Variants in NWD2 observed in about 807,000 individuals in gnomAD.
The protein encoded by NWD2 is NACHT and WD repeat domain-containing protein 2.
NWD2 carries 37 observed loss-of-function variants against 132.7 expected under a neutral mutation model. That is an observed-to-expected ratio of 0.28 (90% confidence interval 0.21 to 0.37). NWD2 has a LOEUF of 0.37. Ranked by LOEUF, NWD2 falls within the 10% of genes least tolerant of loss-of-function variation. The pLI is 1.00. For synonymous variants in NWD2, 705 were observed against 803.0 expected (o/e 0.88, Z 2.06); for missense variants, 1,592 against 2,122.4 (o/e 0.75, Z 4.91).
At chr4:37,276,683 A>C (rs1193181407) in intron 1 of NWD2, among the ~76,000 whole-genome samples, 2 of 152,160 alleles carry the variant, frequency 1.3e-5, no homozygotes, top group Non-Finnish European at 2.9e-5. Flanking sequence ...AGACACATGC[A>C]CACGTATGTT....
intron 1 of NWD2, among the ~76,000 whole-genome samples, chr4:37,294,628 C>G (rs1413039122): frequency 6.6e-6 from 1 of 152,130 alleles, no homozygotes; most frequent in African/African-American, 2.4e-5. Context: ...ATGGTTTTGT[C>G]TGTAACAAAA....
chr4:37,318,181 C>T (rs2109284375), intron 1 of NWD2, among the ~76,000 whole-genome samples: 4 of 152,154 alleles, frequency 2.6e-5, no homozygotes, highest in Admixed American at 2.6e-4. Context: ...CCTGTCACCA[C>T]ACCTGGCTAA....
At chr4:37,390,462 T>C (rs1467419367) in intron 3 of NWD2, among the ~76,000 whole-genome samples, 1 of 152,086 alleles carries the variant, frequency 6.6e-6, no homozygotes, top group East Asian at 1.9e-4. Context: ...GTCACTGGTC[T>C]AAGAAATTTG....
intron 3 of NWD2, among the ~76,000 whole-genome samples, chr4:37,388,975 A>T (rs1292330132): frequency 5.3e-5 from 8 of 151,686 alleles, no homozygotes; most frequent in Non-Finnish European, 8.8e-5. Context: ...GAGTTGATAA[A>T]TAAAAAGGAA....
rs377678499 is a variant in NWD2, at chr4:37,443,750, G to A, written c.1762G>A (p.Val588Ile). 54 of 1,551,752 alleles carry A rather than the reference G, an allele frequency of 3.5e-5. No homozygotes were observed. The Middle Eastern group carries it at 5.0e-4, about 14-fold the overall frequency. ...SQVLKHQLLRVKRKVTSGQQI... is the reference protein window; with the variant it reads ...SQVLKHQLLRIKRKVTSGQQI... ...GGTCCTCAAACACCAGCTGCTGCGCGTCAAAAGGAAGGTCACATCAGGCCA... is the reference window on the plus strand; with the variant it reads ...GGTCCTCAAACACCAGCTGCTGCGCATCAAAAGGAAGGTCACATCAGGCCA... The change falls in exon 7 of 7, where the codon GTC becomes ATC. Residue 588 changes from valine to isoleucine, a missense_variant. By Grantham distance (29) the Val-to-Ile change is conservative (BLOSUM62 3). Transcript: ENST00000309447. The surrounding 1 kb of genome is among the most constrained non-coding windows in gnomAD (Gnocchi z 4.1).
intron 2 of NWD2, among the ~76,000 whole-genome samples, chr4:37,331,826 C>G (rs911217164): frequency 1.3e-5 from 2 of 152,184 alleles, no homozygotes; most frequent in African/African-American, 2.4e-5. Context: ...ATCCCTCCCC[C>G]AACTCCCAGC....
At chr4:37,336,206 TTAGA>T (rs1176676258) in intron 2 of NWD2, among the ~76,000 whole-genome samples, 2 of 152,212 alleles carry the variant, frequency 1.3e-5, no homozygotes, top group East Asian at 3.8e-4. Flanking sequence ...CTGGTTTTTC[TTAGA>T]TATTCTTTGT....
At chr4:37,313,498 G>T (rs1008538156) in intron 1 of NWD2, among the ~76,000 whole-genome samples, 6 of 144,336 alleles carry the variant, frequency 4.2e-5, no homozygotes, top group African/African-American at 1.6e-4. Flanking sequence ...TTTTTATTGT[G>T]TCTAGTTGAT....
At chr4:37,383,767 G>A (rs1297182000) in intron 3 of NWD2, among the ~76,000 whole-genome samples, 1 of 152,030 alleles carries the variant, frequency 6.6e-6, no homozygotes, top group Non-Finnish European at 1.5e-5. Flanking sequence ...CTCTTACTTT[G>A]GACTCTGAAC....
At chr4:37,391,639 G>T (rs1435120546) in intron 3 of NWD2, among the ~76,000 whole-genome samples, 1 of 152,138 alleles carries the variant, frequency 6.6e-6, no homozygotes, top group Admixed American at 6.5e-5. Flanking sequence ...GGTGAAATGG[G>T]TATGTGGGTT....
intron 6 of NWD2, among the ~76,000 whole-genome samples, chr4:37,441,018 T>A (rs765272363): frequency 9.9e-5 from 15 of 152,216 alleles, no homozygotes; most frequent in Non-Finnish European, 1.6e-4. Context: ...ACAGAGACAG[T>A]TGCATTACAC....
chr4:37,363,945 A>G (rs1337393882), intron 3 of NWD2, among the ~76,000 whole-genome samples: 1 of 147,814 alleles, frequency 6.8e-6, no homozygotes, highest in Non-Finnish European at 1.5e-5. Context: ...AACGTGGTGA[A>G]ACCCCCTTTT....
chr4:37,287,060 C>T (rs77927771), intron 1 of NWD2, among the ~76,000 whole-genome samples: 23,031 of 152,110 alleles, frequency 0.15, 1,941 homozygotes, highest in African/African-American at 0.22. Context: ...ACCTGAGAGC[C>T]GCATGGGGCA....
At chr4:37,351,581 A>T (rs1265432298) in intron 2 of NWD2, among the ~76,000 whole-genome samples, 1 of 151,882 alleles carries the variant, frequency 6.6e-6, no homozygotes, top group Non-Finnish European at 1.5e-5. Context: ...TTCTTTATTA[A>T]TCTGGCTAGC....
intron 2 of NWD2, among the ~76,000 whole-genome samples, chr4:37,348,165 T>C (rs891202655): frequency 1.3e-5 from 2 of 152,202 alleles, no homozygotes; most frequent in African/African-American, 4.8e-5. Flanking sequence ...TGCTCTGGTC[T>C]CAACCCAGTC....
intron 6 of NWD2, among the ~76,000 whole-genome samples, chr4:37,440,790 C>G (rs1400809714): frequency 6.6e-6 from 1 of 152,072 alleles, no homozygotes; most frequent in African/African-American, 2.4e-5. Context: ...GTTGGCTCTT[C>G]AGCCTAAACA....
chr4:37,447,076 C>A lies in NWD2; in HGVS notation c.5088C>A (p.Val1696=). 6.4e-7 allele frequency: 1 copy of A among 1,551,636 alleles called. No homozygotes were observed. The highest frequency in any genetic ancestry group is 8.7e-7 in the Non-Finnish European group (1 of 1,146,994). The change falls in exon 7 of 7, where the codon GTC becomes GTA. Residue 1696 remains valine, a synonymous_variant. Transcript: ENST00000309447. ...VDCLWRESTE[V]FARDSPITVS... The stretch of plus-strand genomic sequence containing the variant: ...GCTTATGGAGAGAGTCCACTGAGGT[C>A]TTTGCAAGAGACAGCCCCATCACAG...
chr4:37,369,641 C>T (rs1023359705), intron 3 of NWD2, among the ~76,000 whole-genome samples: 1 of 152,172 alleles, frequency 6.6e-6, no homozygotes, highest in African/African-American at 2.4e-5. Context: ...TTGGTTTTCA[C>T]TCTCCTCCTT....
In NWD2 at chr4:37,398,493, C is replaced by T. The variant is rs541255975; in HGVS notation, c.358-32079C>T. 1.4e-4 allele frequency among the ~76,000 whole-genome samples: 21 copies of T among 152,212 alleles called. No homozygotes were observed. In the East Asian group the frequency reaches 3.9e-3, roughly 28 times the overall value. ...GGAGGGAGAGCATTAAGACAAATAC[C>T]TAATGCATGCAGAGTTTAAAACCTA... On this transcript the variant is annotated intron_variant, in intron 3 of 6. Transcript: ENST00000309447.
Sources: gnomAD v4.1 joint callset for allele counts (sites outside exome capture counted in the v4.1 genomes callset) on GRCh38, gnomAD v4.1.1 for gene constraint, Gnocchi (gnomAD v3.1) non-coding constraint, MANE v1.5 for transcripts, NCBI Gene and HGNC (gene_info 2026-07-23, HGNC 2026-07-21) for gene names.